TCHH: variants seen among roughly 807,000 people sequenced by gnomAD.
TCHH encodes the protein trichohyalin.
Under a neutral mutation model 6.3 loss-of-function variants are expected in TCHH, and 6 were observed. That is an observed-to-expected ratio of 0.95 (90% CI 0.52 to 1.88). The LOEUF is 1.88. TCHH is among the 40% of genes most tolerant of loss of function. The pLI is 0.01. For missense variants in TCHH, 2,920 were observed against 2,449.1 expected, an observed-to-expected ratio of 1.19 and a Z score of -4.06; for synonymous variants, 1,087 against 963.6, an observed-to-expected ratio of 1.13 and a Z score of -2.37.
Position 152,110,676 on chromosome 1 carries a change from T to C in TCHH, c.2541A>G (p.Gln847=), listed in dbSNP as rs1658306894. 4 of 1,612,854 alleles carry C rather than the reference T, an allele frequency of 2.5e-6. No individual in the cohort carries two copies. The East Asian group carries it at 8.9e-5, about 36-fold the overall frequency. ...EEQLQRRERA[Q]QLQEEEDGLQ... ...GGCCGTCCTCCTCCTCCTGGAGCTG[T>C]TGGGCACGCTCCCGCCGCTGGAGCT... is the stretch of plus-strand genomic sequence containing the variant. The change falls in exon 3 of 3, where the codon CAA becomes CAG. Residue 847 remains glutamine (Q), a synonymous_variant. Coordinates refer to ENST00000614923, the MANE Select transcript of TCHH (RefSeq NM_007113.4).
rs1478863802 is a variant in TCHH, at chr1:152,108,398, G to A, written c.4819C>T (p.Gln1607Ter). 2 of 1,613,112 alleles carry A rather than the reference G, an allele frequency of 1.2e-6. No individual in the cohort carries two copies. The highest frequency in any genetic ancestry group is 3.3e-5 in the Admixed American group (2 of 59,962). Residue 1607 changes from glutamine to a stop codon, truncating the protein, a stop_gained, in exon 3 of 3, where the codon CAG (glutamine) becomes TAG (stop). Transcript: ENST00000614923. LOFTEE classifies it low-confidence loss of function (END_TRUNC). ...FMEDEQQLRRQEGQQQLRQER... is the reference protein window; with the variant it reads ...FMEDEQQLRR ...TGGCGCAGCTGTTGTTGGCCCTCCTGGCGGCGCAGCTGCTGTTCGTCCTCC... is the reference window on the plus strand; with the variant it reads ...TGGCGCAGCTGTTGTTGGCCCTCCTAGCGGCGCAGCTGCTGTTCGTCCTCC...
rs1319393255 is a variant in TCHH, at chr1:152,110,682, A to G, written c.2535T>C (p.Arg845=). The change falls in exon 3 of 3, where the codon CGT becomes CGC. Residue 845 remains arginine (R), a synonymous_variant. Transcript: ENST00000614923. The stretch of plus-strand genomic sequence containing the variant: ...CCTCCTCCTCCTGGAGCTGTTGGGC[A>G]CGCTCCCGCCGCTGGAGCTGCTCCT... ...EEEEQLQRRE[R]AQQLQEEEDG... 6.2e-7 allele frequency: 1 copy of G among 1,611,298 alleles called. No individual in the cohort carries two copies. Among genetic ancestry groups the G allele is most frequent in the South Asian group, 1.1e-5 (1 of 90,996 alleles).
Position 152,110,488 on chromosome 1 carries a change from T to C in TCHH, c.2729A>G (p.Glu910Gly), listed in dbSNP as rs1572157299. The stretch of plus-strand genomic sequence containing the variant: ...GCGCTCCTCTCTCTGTAGCTCCTCC[T>C]CCTCCTCCTGCAGCAGCTGCTGTTC... Reference protein sequence around the residue: ...RKEQQLLQEEEEELQREEREK... With the variant: ...RKEQQLLQEEGEELQREEREK... Residue 910 changes from glutamate to glycine, a missense_variant, in exon 3 of 3, where the codon GAG (glutamate) becomes GGG (glycine). Coordinates refer to ENST00000614923, the MANE Select transcript of TCHH (RefSeq NM_007113.4). The C allele has an allele frequency of 1.2e-6, 2 of 1,614,202 alleles. No homozygotes were observed. Among genetic ancestry groups the C allele is most frequent in the East Asian group, 4.5e-5 (2 of 44,880 alleles).
At position 152,111,765 on chromosome 1, in the gene TCHH, C is replaced by G; in HGVS notation, c.1452G>C (p.Arg484Ser). The G allele has an allele frequency of 2.5e-6, 4 of 1,590,330 alleles. No homozygotes were observed. Among genetic ancestry groups the G allele is most frequent in the Non-Finnish European group, 3.4e-6 (4 of 1,168,856 alleles). ...CCTCGAGCTTCAGCCAACGTTCGCG[C>G]CTCTCCTCCTCCTGGTCGCGCTTCA... ...QQLKRDQEEERRERWLKLEEE... is the reference protein window; with the variant it reads ...QQLKRDQEEESRERWLKLEEE... Residue 484 changes from arginine to serine, a missense_variant, in exon 3 of 3, where the codon AGG becomes AGC. Transcript: ENST00000614923.
chr1:152,112,509 T>G lies in TCHH; in HGVS notation c.708A>C (p.Arg236Ser), dbSNP rs1365902883. 4 of 1,613,272 alleles carry G rather than the reference T, an allele frequency of 2.5e-6. No homozygotes were observed. Among genetic ancestry groups the G allele is most frequent in the Non-Finnish European group, 3.4e-6 (4 of 1,179,950 alleles). The change falls in exon 3 of 3, where the codon AGA becomes AGC. Residue 236 changes from arginine (R) to serine (S), a missense_variant. By Grantham distance (110) the Arg-to-Ser change is moderately radical. Coordinates refer to ENST00000614923, the MANE Select transcript of TCHH (RefSeq NM_007113.4). ...KQQQRRERQD[R>S]VFQEEEEKEW... is the part of the protein sequence containing the mutation. ...CTTTCTCTTCTTCCTCCTGGAACAC[T>G]CTGTCTTGCCGCTCTCGCCTTTGCT...
At chr1:152,113,151 A>G in intron 2 of TCHH, 73 bp from the exon 3 acceptor site, 2 of 1,363,912 alleles carry the variant, frequency 1.5e-6, no homozygotes, top group Non-Finnish European at 2.0e-6. Flanking sequence ...CACACATGAT[A>G]TATTTTATGC....
Position 152,111,743 on chromosome 1 carries a change from C to T in TCHH, c.1474G>A (p.Glu492Lys), listed in dbSNP as rs1401719500. The part of the protein sequence containing the change: ...EERRERWLKL[E>K]EEERREQQER... ...TGCTGCTCGCGCCTCTCCTCCTCCT[C>T]GAGCTTCAGCCAACGTTCGCGCCTC... Residue 492 changes from glutamate to lysine, a missense_variant, in exon 3 of 3, where the codon GAG becomes AAG. Physicochemically the swap from Glu to Lys is moderately conservative, Grantham distance 56. Coordinates refer to ENST00000614923, the MANE Select transcript of TCHH (RefSeq NM_007113.4). 3 of 1,579,444 alleles carry T rather than the reference C, an allele frequency of 1.9e-6. No individual in the cohort carries two copies. In the East Asian group the frequency reaches 7.0e-5, roughly 37 times the overall value.
In TCHH at chr1:152,108,003, C is replaced by A. The variant is rs757258212; in HGVS notation, c.5214G>T (p.Glu1738Asp). The A allele has an allele frequency of 8.1e-6, 13 of 1,613,340 alleles. No homozygotes were observed. Among genetic ancestry groups the A allele is most frequent in the Middle Eastern group, 1.6e-4 (1 of 6,082 alleles). ...EEQLRQETEQ[E>D]QLRRQERYRK... ...TGTAGCGTTCTTGGCGGCGCAGCTG[C>A]TCTTGCTCCGTTTCTTGGCGCAGCT... The change falls in exon 3 of 3, where the codon GAG becomes GAT. Residue 1738 changes from glutamate (E) to aspartate (D), a missense_variant. Coordinates refer to ENST00000614923, the MANE Select transcript of TCHH (RefSeq NM_007113.4).
At position 152,110,791 on chromosome 1, in the gene TCHH, C is replaced by T. The variant is rs1367614439; in HGVS notation, c.2426G>A (p.Arg809Gln). Residue 809 changes from arginine (R) to glutamine (Q), a missense_variant, in exon 3 of 3, where the codon CGG (arginine) becomes CAG (glutamine). By Grantham distance (43) the Arg-to-Gln change is conservative. Coordinates refer to ENST00000614923, the MANE Select transcript of TCHH (RefSeq NM_007113.4). ...RAEERQQREQ[R>Q]FLPEEEEKEQ... is the part of the protein sequence containing the mutation. ...CTTCTCCTCCTCCTCCGGGAGAAAC[C>T]GTTGTTCCCGCTGCTGGCGCTCCTC... 1.2e-6 allele frequency: 2 copies of T among 1,607,498 alleles called. No homozygotes were observed. The highest frequency in any genetic ancestry group is 1.7e-5 in the Admixed American group (1 of 59,986).
intron 1 of TCHH, among the ~76,000 whole-genome samples, 189 bp downstream of exon 1, chr1:152,115,202 G>A (rs2101536229): frequency 6.6e-6 from 1 of 152,298 alleles, no homozygotes; most frequent in East Asian, 1.9e-4. Context: ...AAGGAGAAGG[G>A]TCATGCTTCA....
chr1:152,112,196 G>T lies in TCHH; in HGVS notation c.1021C>A (p.Arg341Ser). 6.3e-7 allele frequency: 1 copy of T among 1,577,476 alleles called. No individual in the cohort carries two copies. Among genetic ancestry groups the T allele is most frequent in the Non-Finnish European group, 8.5e-7 (1 of 1,170,652 alleles). The change falls in exon 3 of 3, where the codon CGC becomes AGC. Residue 341 changes from arginine to serine, a missense_variant. By Grantham distance (110) the Arg-to-Ser change is moderately radical (BLOSUM62 -1). Coordinates refer to ENST00000614923, the MANE Select transcript of TCHH (RefSeq NM_007113.4). ...TGCTCGCGCCTCTCCTCCTGCTCGC[G>T]CCTCAGCTGCTGCTCGCGCCTCTCC... is the stretch of plus-strand genomic sequence containing the variant. The part of the protein sequence containing the change: ...QEERREQQLR[R>S]EQEERREQQL...
Position 152,110,480 on chromosome 1 carries a change from GCTCCTC to G in TCHH, c.2731_2736del (p.Glu911_Glu912del), listed in dbSNP as rs754137237. 8.7e-6 allele frequency: 14 copies of G among 1,613,698 alleles called. No homozygotes were observed. The East Asian group carries it at 8.9e-5, about 10-fold the overall frequency. On this transcript the variant is annotated inframe_deletion, in exon 3 of 3. Transcript: ENST00000614923. ...CTCTTCTCGCGCTCCTCTCTCTGTA[GCTCCTC>G]CTCCTCCTCCTGCAGCAGCTGCTGT...
intron 1 of TCHH, among the ~76,000 whole-genome samples, chr1:152,114,377 C>T (rs1053714377): frequency 2.6e-5 from 4 of 152,200 alleles, no homozygotes; most frequent in African/African-American, 7.2e-5. Context: ...ATGCCCTTTT[C>T]TTCTGTCTTT....
In TCHH at chr1:152,110,897, C is replaced by A. The variant is rs751460363; in HGVS notation, c.2320G>T (p.Glu774Ter). The change falls in exon 3 of 3, where the codon GAG becomes TAG. Residue 774 changes from glutamate to a stop codon, truncating the protein, a stop_gained. Transcript: ENST00000614923. LOFTEE classifies it low-confidence loss of function (END_TRUNC). ...TGACGGCCCCTCTCGCTCTTTTCCT[C>A]CGCCTGCCACTGCCATGTGAAGTCC... is the stretch of plus-strand genomic sequence containing the variant. ...RRDFTWQWQA[E>*]EKSERGRQRL... 1.2e-6 allele frequency: 2 copies of A among 1,612,396 alleles called. No individual in the cohort carries two copies. The highest frequency in any genetic ancestry group is 1.7e-5 in the Admixed American group (1 of 60,026).
Position 152,109,508 on chromosome 1 carries a change from C to G in TCHH, c.3709G>C (p.Asp1237His). The change falls in exon 3 of 3, where the codon GAT becomes CAT. Residue 1237 changes from aspartate (D) to histidine (H), a missense_variant. Asp to His is a moderately conservative substitution (Grantham distance 81). Transcript: ENST00000614923. The part of the protein sequence containing the change: ...WEPEKENAVR[D>H]NKVYCKGREN... ...CTGCCTTTGCAGTAAACCTTGTTAT[C>G]ACGAACTGCATTTTCTTTTTCTGGT... 6.2e-7 allele frequency: 1 copy of G among 1,614,270 alleles called. No homozygotes were observed.
Position 152,108,469 on chromosome 1 carries a change from A to G in TCHH, c.4748T>C (p.Leu1583Ser). 12 of 1,540,324 alleles carry G rather than the reference A, an allele frequency of 7.8e-6. No individual in the cohort carries two copies. The highest frequency in any genetic ancestry group is 1.0e-5 in the Non-Finnish European group (12 of 1,146,586). The change falls in exon 3 of 3, where the codon TTA becomes TCA. Residue 1583 changes from leucine to serine, a missense_variant. Coordinates refer to ENST00000614923, the MANE Select transcript of TCHH (RefSeq NM_007113.4). ...CTGGCGGCGCACTTTCTGTTCCTCT[A>G]AACGGAATTTTCTGTCACGCTCTTG... The part of the protein sequence containing the change: ...SRQERDRKFR[L>S]EEQKVRRQEQ...
Position 152,108,588 on chromosome 1 carries a change from C to G in TCHH, c.4629G>C (p.Gln1543His). The G allele has an allele frequency of 6.2e-7, 1 of 1,601,046 alleles. No homozygotes were observed. The highest frequency in any genetic ancestry group is 8.5e-7 in the Non-Finnish European group (1 of 1,174,638). The change falls in exon 3 of 3, where the codon CAG becomes CAC. Residue 1543 changes from glutamine to histidine, a missense_variant. Coordinates refer to ENST00000614923, the MANE Select transcript of TCHH (RefSeq NM_007113.4). ...FLQEEQQLRR[Q>H]ERGQQRRQDR... ...CCTGACGCCGCTGTTGCCCGCGCTC[C>G]TGGCGGCGCAGCTGCTGTTCCTCCT...
Position 152,112,445 on chromosome 1 carries a change from C to A in TCHH, c.772G>T (p.Glu258Ter), listed in dbSNP as rs754243055. The A allele has an allele frequency of 1.9e-6, 3 of 1,613,720 alleles. No individual in the cohort carries two copies. Among genetic ancestry groups the A allele is most frequent in the Admixed American group, 1.7e-5 (1 of 59,994 alleles). Reference protein sequence around the residue: ...KRETVLRKEEEKLQEEEPQRQ... With the variant: ...KRETVLRKEE ...TGCGGCTCCTCTTCCTGCAACTTCTCTTCTTCCTTCCGGAGCACTGTCTCG... is the reference window on the plus strand; with the variant it reads ...TGCGGCTCCTCTTCCTGCAACTTCTATTCTTCCTTCCGGAGCACTGTCTCG... The change falls in exon 3 of 3, where the codon GAG becomes TAG. Residue 258 changes from glutamate (E) to a stop codon, truncating the protein, a stop_gained. Coordinates refer to ENST00000614923, the MANE Select transcript of TCHH (RefSeq NM_007113.4). LOFTEE classifies it low-confidence loss of function (END_TRUNC).
At position 152,110,462 on chromosome 1, in the gene TCHH, C is replaced by T. The variant is rs1293934764; in HGVS notation, c.2755G>A (p.Glu919Lys). 3 of 1,614,050 alleles carry T rather than the reference C, an allele frequency of 1.9e-6. No homozygotes were observed. In the Admixed American group the frequency reaches 5.0e-5, roughly 27 times the overall value. The part of the protein sequence containing the change: ...EEEELQREER[E>K]KRRRQEQERQ... ...TCCTGTTCTTGGCGCCTTCTCTTCT[C>T]GCGCTCCTCTCTCTGTAGCTCCTCC... Residue 919 changes from glutamate (E) to lysine (K), a missense_variant, in exon 3 of 3, where the codon GAG (glutamate) becomes AAG (lysine). By Grantham distance (56) the Glu-to-Lys change is moderately conservative (BLOSUM62 1). Coordinates refer to ENST00000614923, the MANE Select transcript of TCHH (RefSeq NM_007113.4).
Sources: gnomAD v4.1 joint callset for allele counts (sites outside exome capture counted in the v4.1 genomes callset) on GRCh38, gnomAD v4.1.1 for gene constraint, MANE v1.5 for transcripts, NCBI Gene and HGNC (gene_info 2026-07-23, HGNC 2026-07-21) for gene names.